Variants in ZNF343 observed in about 807,000 individuals in gnomAD.
ZNF343 encodes zinc finger protein 343.
A neutral mutation model predicts 13.8 loss-of-function variants in ZNF343; 11 were observed. The observed-to-expected ratio is 0.80, with a 90% confidence interval of 0.50 to 1.32. The LOEUF (loss-of-function observed/expected upper bound fraction) is 1.32, where lower values mean the gene tolerates loss of function less well. ZNF343 is among the 40% of genes most tolerant of loss of function. ZNF343 has a pLI of 0.00. For synonymous variants in ZNF343, 248 were observed against 260.0 expected (o/e 0.95, Z 0.44); for missense variants, 658 against 714.2 (o/e 0.92, Z 0.90).
chr20:2,506,832 T>C (rs1261648434), intron 1 of ZNF343, among the ~76,000 whole-genome samples: 4 of 151,762 alleles, frequency 2.6e-5, no homozygotes, highest in Non-Finnish European at 2.9e-5. Context: ...CATTTGGAGA[T>C]ATACCTAATG....
intron 5 of ZNF343, among the ~76,000 whole-genome samples, chr20:2,490,527 C>CT (rs1203885588): frequency 2.0e-4 from 29 of 145,902 alleles, no homozygotes; most frequent in Admixed American, 5.4e-4. Context: ...TTTTATGGGT[C>CT]TTTTTTTTGG....
At chr20:2,493,136 T>A (rs767979040) in intron 4 of ZNF343, 10 of 473,896 alleles carry the variant, frequency 2.1e-5, no homozygotes, top group Non-Finnish European at 3.4e-5. Flanking sequence ...GGATTCATAA[T>A]GAAGGAATTC....
intron 2 of ZNF343, among the ~76,000 whole-genome samples, chr20:2,498,961 T>C (rs2085508269): frequency 6.7e-6 from 1 of 149,910 alleles, no homozygotes; most frequent in African/African-American, 2.4e-5. Context: ...CATCTCAGCC[T>C]CCTGAGTAGC....
chr20:2,484,008 G>C lies in ZNF343; in HGVS notation c.953C>G (p.Thr318Arg), dbSNP rs1174790424. Residue 318 changes from threonine to arginine, a missense_variant, in exon 6 of 6, where the codon ACA becomes AGA. Coordinates refer to ENST00000278772, the MANE Select transcript of ZNF343 (RefSeq NM_024325.6). ...CAAATAAGGCTTCTCTTCTGAATGT[G>C]TTCTCTGGTGTCTGCTGAGGTTGGA... ...QKSNLSRHQR[T>R]HSEEKPYLCR... 1.2e-6 allele frequency: 2 copies of C among 1,614,134 alleles called. No individual in the cohort carries two copies. The highest frequency in any genetic ancestry group is 2.2e-5 in the South Asian group (2 of 91,084).
intron 1 of ZNF343, among the ~76,000 whole-genome samples, chr20:2,504,901 A>T (rs2122710325): frequency 6.6e-6 from 1 of 152,360 alleles, no homozygotes; most frequent in South Asian, 2.1e-4. Flanking sequence ...CAAGACAGGG[A>T]TGCCCTCTCT....
In ZNF343 at chr20:2,493,857, G is replaced by A. The variant is rs372061780; in HGVS notation, c.39C>T (p.Tyr13=). 10 of 1,613,838 alleles carry A rather than the reference G, an allele frequency of 6.2e-6. No homozygotes were observed. The highest frequency in any genetic ancestry group is 8.5e-6 in the Non-Finnish European group (10 of 1,179,920). ...LPYPSALGDQ[Y]WEEILLPKNG... is the part of the protein sequence containing the mutation. Reference sequence around the variant, plus strand: ...TCTTTGGAAGCAAAATCTCTTCCCAGTATTGATCTCCCAGTGCTGAAGGAT... The same window carrying A: ...TCTTTGGAAGCAAAATCTCTTCCCAATATTGATCTCCCAGTGCTGAAGGAT... Residue 13 remains tyrosine (Y), a synonymous_variant, in exon 3 of 6, where the codon TAC becomes TAT. Transcript: ENST00000278772.
In ZNF343 at chr20:2,523,562, A is replaced by T. The variant is rs554389564; in HGVS notation, c.-347+893T>A. Among the ~76,000 whole-genome samples the T allele has an allele frequency of 2.2e-4, 33 of 152,290 alleles. No homozygotes were observed. The South Asian group carries it at 3.9e-3, about 18-fold the overall frequency. On this transcript the variant is annotated intron_variant, in intron 1 of 6. Transcript: ENST00000358413. ...AATATTCACAATCTTCTCAGTGAGA[A>T]ATGGGAAAACAACTTCCCTGCCTTA... is the stretch of plus-strand genomic sequence containing the variant.
Position 2,508,240 on chromosome 20 carries a change from T to G in ZNF343, c.-237+641A>C, listed in dbSNP as rs977923737. On this transcript the variant is annotated intron_variant, in intron 1 of 5. Coordinates refer to ENST00000278772, the MANE Select transcript of ZNF343 (RefSeq NM_024325.6). The surrounding 1 kb of genome is among the most constrained non-coding windows in gnomAD (Gnocchi z 4.5). ...TGACCCAAGACACTCGCCCAGGCCC[T>G]CTCAGGATATTTTGACCACGTCAAG... Among the ~76,000 whole-genome samples, 1 of 151,762 alleles carries G rather than the reference T, an allele frequency of 6.6e-6. No homozygotes were observed. The highest frequency in any genetic ancestry group is 2.4e-5 in the African/African-American group (1 of 41,296).
In ZNF343 at chr20:2,521,075, T is replaced by C. The variant is rs2085780298; in HGVS notation, c.-347+3380A>G. Among the ~76,000 whole-genome samples, 2 of 152,102 alleles carry C rather than the reference T, an allele frequency of 1.3e-5. 1 individual carries two copies. The highest frequency in any genetic ancestry group is 4.1e-4 in the South Asian group (2 of 4,828). On this transcript the variant is annotated intron_variant, in intron 1 of 6. Coordinates refer to the ZNF343 transcript ENST00000358413. ...GTGTAGACTTAGCCTTTGGGACAAG[T>C]GGTGAGGACATAGCATCTGGAAGGA... is the stretch of plus-strand genomic sequence containing the variant.
intron 1 of ZNF343, among the ~76,000 whole-genome samples, chr20:2,516,436 G>A (rs1005319665): frequency 2.6e-5 from 4 of 152,114 alleles, no homozygotes; most frequent in Non-Finnish European, 2.9e-5. Context: ...TTTGATTTAG[G>A]ATCAGAGTAG....
In ZNF343 at chr20:2,483,764, G is replaced by A; in HGVS notation, c.1197C>T (p.His399=). 6.2e-7 allele frequency: 1 copy of A among 1,613,536 alleles called. No homozygotes were observed. Among genetic ancestry groups the A allele is most frequent in the Admixed American group, 1.7e-5 (1 of 59,958 alleles). The change falls in exon 6 of 6, where the codon CAC becomes CAT. Residue 399 remains histidine, a synonymous_variant. Coordinates refer to ENST00000278772, the MANE Select transcript of ZNF343 (RefSeq NM_024325.6). ...GCTTCTCCCCTGAGTGTATCCTCTG[G>A]TGTTTTCTGAGGGTTGACTTATCAC... is the stretch of plus-strand genomic sequence containing the variant. ...SFCDKSTLRK[H]QRIHSGEKPY...
At chr20:2,490,145 C>T (rs2085343590) in intron 5 of ZNF343, among the ~76,000 whole-genome samples, 1 of 152,040 alleles carries the variant, frequency 6.6e-6, no homozygotes, top group African/African-American at 2.4e-5. Flanking sequence ...TGAGAATAAG[C>T]TTGTGGTTGC....
intron 1 of ZNF343, among the ~76,000 whole-genome samples, chr20:2,516,583 G>C (rs546711693): frequency 6.6e-6 from 1 of 152,214 alleles, no homozygotes; most frequent in East Asian, 1.9e-4. Flanking sequence ...GAGTGAGCAG[G>C]GTAGGGTCAG....
upstream of ZNF343, among the ~76,000 whole-genome samples, chr20:2,512,671 T>A (rs372866475): frequency 2.7e-4 from 41 of 152,144 alleles, no homozygotes; most frequent in Admixed American, 7.2e-4. Flanking sequence ...ACTCAAAGAC[T>A]ATAAAGATCT....
chr20:2,523,677 C>CTTTT (rs3051730), intron 1 of ZNF343, among the ~76,000 whole-genome samples: 1,157 of 102,722 alleles, frequency 0.011, 58 homozygotes, highest in African/African-American at 0.023. Flanking sequence ...GCTATGTGTA[C>CTTTT]TTTTTTTTTT....
intron 2 of ZNF343, among the ~76,000 whole-genome samples, chr20:2,497,193 A>T (rs1175434190): frequency 6.6e-6 from 1 of 152,202 alleles, no homozygotes; most frequent in African/African-American, 2.4e-5. Flanking sequence ...CTAAATACAG[A>T]TCCAAGTGGA....
chr20:2,493,157 C>G, intron 4 of ZNF343: 1 of 475,862 alleles, frequency 2.1e-6, no homozygotes, highest in Non-Finnish European at 3.8e-6. Flanking sequence ...AGAGATGAAA[C>G]AGCAGAGAAT....
chr20:2,498,354 C>T (rs2085496326), intron 2 of ZNF343, among the ~76,000 whole-genome samples: 1 of 152,186 alleles, frequency 6.6e-6, no homozygotes, highest in Non-Finnish European at 1.5e-5. Context: ...AAAACTCCGT[C>T]TCCAAAAAAA....
At chr20:2,521,764 G>A (rs2085783315) in intron 1 of ZNF343, among the ~76,000 whole-genome samples, 1 of 152,322 alleles carries the variant, frequency 6.6e-6, no homozygotes, top group Middle Eastern at 3.4e-3. Context: ...ATGGAAGATG[G>A]GGTCTTAGCC....
Sources: allele counts gnomAD v4.1 joint callset (sites outside exome capture counted in the v4.1 genomes callset), GRCh38; gene constraint gnomAD v4.1.1; non-coding constraint Gnocchi (gnomAD v3.1); transcripts MANE v1.5; gene names NCBI Gene and HGNC (gene_info 2026-07-23, HGNC 2026-07-21).